CLTCL1: variants seen among roughly 807,000 people sequenced by gnomAD.
CLTCL1 encodes clathrin heavy chain like 1.
A neutral mutation model predicts 190.0 loss-of-function variants in CLTCL1; 159 were observed. That is an observed-to-expected ratio of 0.84 (90% confidence interval 0.74 to 0.95). The LOEUF is 0.95. Ranked by LOEUF, CLTCL1 falls within the 40% of genes least tolerant of loss-of-function variation. CLTCL1 has a pLI of 0.00. For synonymous variants in CLTCL1, 752 were observed against 769.6 expected, an observed-to-expected ratio of 0.98 and a Z score of 0.38; for missense variants, 1,878 against 2,033.4, an observed-to-expected ratio of 0.92 and a Z score of 1.47.
intron 3 of CLTCL1, 80 bp downstream of exon 3, chr22:19,253,879 C>A: frequency 6.6e-7 from 1 of 1,521,946 alleles, no homozygotes; most frequent in African/African-American, 1.4e-5. Context: ...TAACCAACTT[C>A]TAATGATTTA....
At chr22:19,261,213 C>T (rs535078825) in intron 2 of CLTCL1, among the ~76,000 whole-genome samples, 170 of 151,928 alleles carry the variant, frequency 1.1e-3, no homozygotes, top group African/African-American at 3.9e-3. Context: ...CCCGGGTTCA[C>T]GCCATTCTCC....
At chr22:19,224,143 T>G in intron 13 of CLTCL1, 89 bp from the exon 14 acceptor site, 1 of 1,341,780 alleles carries the variant, frequency 7.5e-7, no homozygotes, top group Non-Finnish European at 1.0e-6. Context: ...ATGACCCTGC[T>G]CCACTCTCCA....
intron 16 of CLTCL1, 57 bp downstream of exon 16, chr22:19,221,894 C>G (rs1197120283): frequency 6.3e-7 from 1 of 1,584,336 alleles, no homozygotes; most frequent in Admixed American, 1.7e-5. Flanking sequence ...TAGACAGAAA[C>G]AACAACAGAC....
chr22:19,264,818 C>T (rs983452231), intron 2 of CLTCL1, among the ~76,000 whole-genome samples: 10 of 151,092 alleles, frequency 6.6e-5, no homozygotes, highest in Admixed American at 5.3e-4. Context: ...GACAGAGTTT[C>T]GCTTTTGGGG....
chr22:19,288,916 G>A (rs782007030), intron 1 of CLTCL1, among the ~76,000 whole-genome samples: 4 of 152,364 alleles, frequency 2.6e-5, no homozygotes, highest in African/African-American at 9.6e-5. Flanking sequence ...GCAGTAAAGT[G>A]CAGCATCAAA....
intron 22 of CLTCL1, chr22:19,207,800 T>C: frequency 1.7e-6 from 1 of 598,434 alleles, no homozygotes; most frequent in South Asian, 2.0e-5. Context: ...AGGATCTGTG[T>C]TGCATGCTTC....
rs1555956146 is a variant in CLTCL1, at chr22:19,226,392, C to G, written c.1783-9G>C. On this transcript the variant is annotated splice_polypyrimidine_tract_variant and intron_variant, in intron 11 of 32. Coordinates refer to ENST00000427926, the MANE Select transcript of CLTCL1 (RefSeq NM_007098.4). ...AGGATGGCATCTGCAACCTATGAAA[C>G]AGGGAGTTCGGTGAGAAGCCCTGAT... 6.2e-7 allele frequency: 1 copy of G among 1,613,728 alleles called. No individual in the cohort carries two copies. The highest frequency in any genetic ancestry group is 1.3e-5 in the African/African-American group (1 of 74,924).
At chr22:19,237,720 G>A (rs2086122848) in intron 5 of CLTCL1, among the ~76,000 whole-genome samples, 1 of 152,160 alleles carries the variant, frequency 6.6e-6, no homozygotes, top group African/African-American at 2.4e-5. Flanking sequence ...TTATGTTACT[G>A]GAACAGAATG....
rs1380917560 is a variant in CLTCL1, at chr22:19,198,812, G to A, written c.3873+922C>T. Among the ~76,000 whole-genome samples the A allele has an allele frequency of 6.6e-6, 1 of 152,156 alleles. No individual in the cohort carries two copies. Among genetic ancestry groups the A allele is most frequent in the Non-Finnish European group, 1.5e-5 (1 of 68,044 alleles). On this transcript the variant is annotated intron_variant, in intron 24 of 32. Coordinates refer to ENST00000427926, the MANE Select transcript of CLTCL1 (RefSeq NM_007098.4). The surrounding 1 kb of genome is among the most constrained non-coding windows in gnomAD (Gnocchi z 4.1). ...TGAATGCCAGTTCAATTAAATAGAGGCTTTTCTGTTTTGTTCACTGACACA... is the reference window on the plus strand; with the variant it reads ...TGAATGCCAGTTCAATTAAATAGAGACTTTTCTGTTTTGTTCACTGACACA...
At position 19,208,230 on chromosome 22, in the gene CLTCL1, A is replaced by G. The variant is rs1555944114; in HGVS notation, c.3524T>C (p.Phe1175Ser). The G allele has an allele frequency of 6.2e-7, 1 of 1,613,882 alleles. No individual in the cohort carries two copies. The stretch of plus-strand genomic sequence containing the variant: ...AACACGGCTGGTTTTAGCCAAGGCA[A>G]AAATAAGTTCAGTCTCTATATAGGA... ...RESYIETELI[F>S]ALAKTSRVSE... is the part of the protein sequence containing the mutation. The change falls in exon 22 of 33, where the codon TTT becomes TCT. Residue 1175 changes from phenylalanine to serine, a missense_variant. Coordinates refer to ENST00000427926, the MANE Select transcript of CLTCL1 (RefSeq NM_007098.4).
Position 19,187,691 on chromosome 22 carries a change from T to C in CLTCL1, c.4472A>G (p.Asp1491Gly). 2 of 1,613,844 alleles carry C rather than the reference T, an allele frequency of 1.2e-6. 1 individual carries two copies. The highest frequency in any genetic ancestry group is 2.2e-5 in the South Asian group (2 of 91,090). ...RASIDAYDNF[D>G]NISLAQQLEK... ...CAGCTGCTGAGCCAGGCTGATGTTG[T>C]CAAAGTTGTCATAGGCATCGATAGA... The change falls in exon 29 of 33, where the codon GAC becomes GGC. Residue 1491 changes from aspartate to glycine, a missense_variant. Physicochemically the swap from Asp to Gly is moderately conservative, Grantham distance 94. Coordinates refer to ENST00000427926, the MANE Select transcript of CLTCL1 (RefSeq NM_007098.4).
intron 3 of CLTCL1, among the ~76,000 whole-genome samples, chr22:19,251,747 T>C (rs1278393156): frequency 6.6e-6 from 1 of 152,228 alleles, no homozygotes; most frequent in Non-Finnish European, 1.5e-5. Flanking sequence ...TGAGCCACCG[T>C]GCCCAGCCTA....
At chr22:19,263,334 C>T (rs981169077) in intron 2 of CLTCL1, among the ~76,000 whole-genome samples, 4 of 151,422 alleles carry the variant, frequency 2.6e-5, no homozygotes, top group African/African-American at 7.3e-5. Context: ...TAGGCTCAAG[C>T]GATCTTCCCA....
At chr22:19,184,635 C>T (rs1159473187) in intron 29 of CLTCL1, 2 of 449,812 alleles carry the variant, frequency 4.4e-6, no homozygotes, top group Non-Finnish European at 9.0e-6. Flanking sequence ...TGTCTCCCTG[C>T]CGTGCCCTCC....
In CLTCL1 at chr22:19,180,714, C is replaced by CT. The variant is rs782733405; in HGVS notation, c.4903+16dup. The CT allele has an allele frequency of 2.5e-4, 404 of 1,613,304 alleles. No homozygotes were observed. The highest frequency in any genetic ancestry group is 2.8e-4 in the Non-Finnish European group (330 of 1,179,594). On this transcript the variant is annotated intron_variant, in intron 31 of 32. Coordinates refer to ENST00000427926, the MANE Select transcript of CLTCL1 (RefSeq NM_007098.4). ...TGCTCCCTCCCCAGGGGGTTGGGGG[C>CT]TACAGGTGCCACCTACCAAACACGA...
chr22:19,220,982 G>T (rs562393447), intron 17 of CLTCL1, among the ~76,000 whole-genome samples: 1 of 152,132 alleles, frequency 6.6e-6, no homozygotes, highest in African/African-American at 2.4e-5. Context: ...AAGGGTACTC[G>T]GGACATGAGG....
intron 29 of CLTCL1, chr22:19,184,647 C>T (rs2084252859): frequency 4.5e-6 from 2 of 444,950 alleles, no homozygotes; most frequent in Non-Finnish European, 9.1e-6. Context: ...GTGCCCTCCA[C>T]CGGCCCAGCC....
At chr22:19,276,386 G>C (rs2087503685) in intron 1 of CLTCL1, among the ~76,000 whole-genome samples, 1 of 152,176 alleles carries the variant, frequency 6.6e-6, no homozygotes, top group Non-Finnish European at 1.5e-5. Context: ...ACTTCCTGGA[G>C]AGTCTGGGGT....
chr22:19,253,946 G>A lies in CLTCL1; in HGVS notation c.519+13C>T. The A allele has an allele frequency of 6.2e-7, 1 of 1,609,972 alleles. No individual in the cohort carries two copies. The highest frequency in any genetic ancestry group is 8.5e-7 in the Non-Finnish European group (1 of 1,177,172). On this transcript the variant is annotated intron_variant, in intron 3 of 32. Transcript: ENST00000427926. ...TACATCAGACCAGCCCCTAAAGGCAGCTCAAGGCTTACCTGAGCCGAGATG... is the reference window on the plus strand; with the variant it reads ...TACATCAGACCAGCCCCTAAAGGCAACTCAAGGCTTACCTGAGCCGAGATG...
Sources: gnomAD v4.1 joint callset for allele counts (sites outside exome capture counted in the v4.1 genomes callset) on GRCh38, gnomAD v4.1.1 for gene constraint, Gnocchi (gnomAD v3.1) non-coding constraint, MANE v1.5 for transcripts, NCBI Gene and HGNC (gene_info 2026-07-23, HGNC 2026-07-21) for gene names.